The following IFT52 variants were observed in gnomAD, a reference collection of about 807,000 sequenced individuals.
IFT52 encodes the protein intraflagellar transport protein 52 homolog.
Under a neutral mutation model 54.4 loss-of-function variants are expected in IFT52, and 44 were observed. The observed-to-expected ratio is 0.81, with a 90% confidence interval of 0.63 to 1.04. The LOEUF (loss-of-function observed/expected upper bound fraction) is 1.04, where lower values mean the gene tolerates loss of function less well. Among genes scored for constraint, IFT52 ranks in the 50% least tolerant of loss-of-function variants. IFT52 has a pLI of 0.00. For missense variants in IFT52, 452 were observed against 523.6 expected (o/e 0.86, Z 1.33); for synonymous variants, 181 against 185.3 (o/e 0.98, Z 0.19).
At chr20:43,623,865 A>G (rs1984520554) in intron 9 of IFT52, 26 bp from the exon 10 acceptor site, 4 of 1,611,082 alleles carry the variant, frequency 2.5e-6, no homozygotes, top group East Asian at 2.2e-5. Flanking sequence ...TTGCTGTGCT[A>G]AAAGGAACCC....
At chr20:43,613,773 A>G (rs1213359438) in intron 6 of IFT52, 77 bp from the exon 7 acceptor site, 2 of 1,412,248 alleles carry the variant, frequency 1.4e-6, no homozygotes, top group Non-Finnish European at 2.0e-6. Context: ...GTGTTACTCA[A>G]GAAACATTGA....
chr20:43,596,379 A>C (rs980184094), intron 2 of IFT52, 56 bp from the exon 3 acceptor site: 1 of 1,118,350 alleles, frequency 8.9e-7, no homozygotes, highest in African/African-American at 1.5e-5. Flanking sequence ...CTAAAATAAT[A>C]CATAAATTGG....
intron 1 of IFT52, among the ~76,000 whole-genome samples, chr20:43,591,501 C>T (rs549488081): frequency 6.6e-6 from 1 of 152,072 alleles, no homozygotes; most frequent in Non-Finnish European, 1.5e-5. Flanking sequence ...CTAAGTCTGA[C>T]AGTACAGGAA....
At chr20:43,630,714 G>T (rs893904582) in intron 10 of IFT52, among the ~76,000 whole-genome samples, 8 of 152,174 alleles carry the variant, frequency 5.3e-5, no homozygotes, top group Non-Finnish European at 1.5e-5. Flanking sequence ...TGGTGAAAAC[G>T]CAGTGCCAGA....
chr20:43,605,098 T>C (rs765598373), intron 6 of IFT52, 25 bp downstream of exon 6: 1 of 1,610,240 alleles, frequency 6.2e-7, no homozygotes, highest in Non-Finnish European at 8.5e-7. Flanking sequence ...TGATGCCACA[T>C]GAGGAAGATG....
intron 13 of IFT52, 60 bp from the exon 14 acceptor site, chr20:43,646,876 G>C: frequency 7.4e-7 from 1 of 1,342,976 alleles, no homozygotes; most frequent in South Asian, 1.2e-5. Context: ...GCACTGAAGA[G>C]TTTACATTTC....
chr20:43,645,561 A>G lies in IFT52; in HGVS notation c.1267-1375A>G, dbSNP rs1187445506. ...GACAGAGTAAGACTCTGTCCCCCCC[A>G]AAAAAAGAAGATATTTATCCTTGGG... is the stretch of plus-strand genomic sequence containing the variant. On this transcript the variant is annotated intron_variant, in intron 13 of 13. Coordinates refer to ENST00000373030, the MANE Select transcript of IFT52 (RefSeq NM_016004.5). 5.4e-5 allele frequency among the ~76,000 whole-genome samples: 3 copies of G among 55,050 alleles called. 1 individual carries two copies. The highest frequency in any genetic ancestry group is 1.6e-4 in the African/African-American group (3 of 18,884). 36.1% of individuals were successfully genotyped at this position (55,050 alleles called of 152,430 possible).
chr20:43,598,245 C>T (rs552860683), intron 3 of IFT52, among the ~76,000 whole-genome samples: 108 of 152,180 alleles, frequency 7.1e-4, no homozygotes, highest in African/African-American at 2.5e-3. Flanking sequence ...GTAGAGTAGT[C>T]GAATTCGTAG....
rs986073263 is a variant in IFT52, at chr20:43,622,905, C to G, written c.769-986C>G. On this transcript the variant is annotated intron_variant, in intron 9 of 13. Transcript: ENST00000373030. ...GCATTTATGTTTTCCTGGTCTTTTA[C>G]TAGTCCACAGCATGTGTCATGACTG... is the stretch of plus-strand genomic sequence containing the variant. Among the ~76,000 whole-genome samples, 37 of 151,836 alleles carry G rather than the reference C, an allele frequency of 2.4e-4. 1 individual carries two copies. Among genetic ancestry groups the G allele is most frequent in the African/African-American group, 8.2e-4 (34 of 41,442 alleles).
At chr20:43,610,580 C>T (rs1027076403) in intron 6 of IFT52, among the ~76,000 whole-genome samples, 4 of 150,932 alleles carry the variant, frequency 2.7e-5, no homozygotes, top group African/African-American at 7.3e-5. Context: ...AAAAACAAAA[C>T]AAAACAAAAT....
rs148719884 is a variant in IFT52, at chr20:43,615,154, C to T, written c.612+1178C>T. 8.6e-3 allele frequency among the ~76,000 whole-genome samples: 1,299 copies of T among 151,774 alleles called. 7 individuals carry two copies. Among genetic ancestry groups the T allele is most frequent in the Non-Finnish European group, 0.014 (932 of 67,908 alleles). ...TTGGCTCACTGCAATCTCTGCCTCC[C>T]GCCTCAGCCTTCCAAGTAGCTGGGA... On this transcript the variant is annotated intron_variant, in intron 7 of 13. Transcript: ENST00000373030.
chr20:43,605,022 G>A lies in IFT52; in HGVS notation c.434G>A (p.Gly145Glu). 1 of 1,613,652 alleles carries A rather than the reference G, an allele frequency of 6.2e-7. No homozygotes were observed. The highest frequency in any genetic ancestry group is 2.2e-5 in the East Asian group (1 of 44,870). The change falls in exon 6 of 14, where the codon GGA (glycine) becomes GAA (glutamate). Residue 145 changes from glycine to glutamate, a missense_variant. Coordinates refer to ENST00000373030, the MANE Select transcript of IFT52 (RefSeq NM_016004.5). ...TCAAGGGAAATTAGCCGAGCTGCAG[G>A]AAAGGCTGTGCCTGGGATCATTGAT... ...VLNREISRAA[G>E]KAVPGIIDEE...
intron 10 of IFT52, among the ~76,000 whole-genome samples, chr20:43,635,169 A>C (rs1323321376): frequency 1.0e-5 from 1 of 97,946 alleles, no homozygotes; most frequent in Admixed American, 1.2e-4. Context: ...CTCTGTCTCC[A>C]AAAAAAAGAG....
At position 43,614,038 on chromosome 20, in the gene IFT52, C is replaced by T. The variant is rs1983664036; in HGVS notation, c.612+62C>T. ...TTTATTGTTGAAATAATAAAAACCA[C>T]CTTACCATTTCCAGAAGGCTTCTAT... On this transcript the variant is annotated intron_variant, in intron 7 of 13. Transcript: ENST00000373030. The T allele has an allele frequency of 3.4e-6, 5 of 1,456,114 alleles. No individual in the cohort carries two copies. The Admixed American group carries it at 5.9e-5, about 17-fold the overall frequency. The allele number at this position is 1,456,114 out of a possible 1,614,324, so 90.2% of individuals were successfully genotyped here.
intron 7 of IFT52, among the ~76,000 whole-genome samples, chr20:43,615,798 G>C (rs956975235): frequency 6.6e-6 from 1 of 152,118 alleles, no homozygotes; most frequent in East Asian, 1.9e-4. Context: ...TTAGCTGGGC[G>C]TGGTGTGGTG....
At chr20:43,620,951 T>G (rs1338715640) in intron 9 of IFT52, 26 bp downstream of exon 9, 1 of 1,568,636 alleles carries the variant, frequency 6.4e-7, no homozygotes, top group African/African-American at 1.4e-5. Flanking sequence ...TTAGAAACTT[T>G]TAAATGAAAA....
chr20:43,603,990 C>T, intron 4 of IFT52, 101 bp downstream of exon 4: 1 of 990,380 alleles, frequency 1.0e-6, no homozygotes, highest in Non-Finnish European at 1.5e-6. Flanking sequence ...AAGCCCTGGG[C>T]TGTGTGTGCG....
At chr20:43,591,406 G>T (rs570152941) in intron 1 of IFT52, among the ~76,000 whole-genome samples, 1 of 152,370 alleles carries the variant, frequency 6.6e-6, no homozygotes, top group Admixed American at 6.5e-5. Flanking sequence ...GAAAGCGAGA[G>T]AATGGTTTGG....
intron 3 of IFT52, among the ~76,000 whole-genome samples, chr20:43,601,690 T>C (rs757172887): frequency 5.3e-5 from 8 of 152,228 alleles, no homozygotes; most frequent in Non-Finnish European, 8.8e-5. Context: ...GCAAAAGCTA[T>C]GTTCTGAGAA....
Sources: gnomAD v4.1 joint callset for allele counts (sites outside exome capture counted in the v4.1 genomes callset) on GRCh38, gnomAD v4.1.1 for gene constraint, MANE v1.5 for transcripts, NCBI Gene and HGNC (gene_info 2026-07-23, HGNC 2026-07-21) for gene names.